The following HS3ST4 variants were observed in gnomAD, a reference collection of about 807,000 sequenced individuals.
The protein encoded by HS3ST4 is heparan sulfate-glucosamine 3-sulfotransferase 4.
HS3ST4 carries 17 observed loss-of-function variants against 29.2 expected under a neutral mutation model. The observed-to-expected ratio is 0.58, with a 90% confidence interval of 0.40 to 0.87. The LOEUF is 0.87. Among genes scored for constraint, HS3ST4 ranks in the 40% least tolerant of loss-of-function variants. The pLI, the probability that HS3ST4 is intolerant of heterozygous loss-of-function variation, is 0.00. For synonymous variants in HS3ST4, 314 were observed against 285.7 expected, an observed-to-expected ratio of 1.10 and a Z score of -1.00; for missense variants, 627 against 634.5, an observed-to-expected ratio of 0.99 and a Z score of 0.13.
At position 26,029,317 on chromosome 16, in the gene HS3ST4, T is replaced by C. The variant is rs145022547; in HGVS notation, c.735-106295T>C. ...CCACAGGGGCCCTGCACTTGGACGG[T>C]CCCATCCCATACTTGGTTTAATGGT... On this transcript the variant is annotated intron_variant, in intron 1 of 1. Transcript: ENST00000331351. Among the ~76,000 whole-genome samples the C allele has an allele frequency of 3.8e-3, 586 of 152,268 alleles. 2 individuals are homozygous for C. Among genetic ancestry groups the C allele is most frequent in the Non-Finnish European group, 6.3e-3 (431 of 68,024 alleles).
intron 1 of HS3ST4, among the ~76,000 whole-genome samples, chr16:25,897,697 CCTT>C (rs1475923365): frequency 1.3e-5 from 2 of 152,144 alleles, no homozygotes; most frequent in Admixed American, 6.5e-5. Context: ...TCTCTCTCCC[CCTT>C]CTTCTCTCCC....
intron 1 of HS3ST4, among the ~76,000 whole-genome samples, chr16:25,965,009 ATAAAT>A (rs1968829410): frequency 6.6e-6 from 1 of 152,338 alleles, no homozygotes; most frequent in Admixed American, 6.5e-5. Context: ...GTACATAAAA[ATAAAT>A]TAGGCATATT....
At chr16:25,862,595 C>G (rs1283840050) in intron 1 of HS3ST4, among the ~76,000 whole-genome samples, 4 of 152,236 alleles carry the variant, frequency 2.6e-5, no homozygotes, top group Non-Finnish European at 4.4e-5. Flanking sequence ...AGGTCCCTAA[C>G]AGTCTGCAAA....
chr16:25,946,003 A>T (rs982493466), intron 1 of HS3ST4, among the ~76,000 whole-genome samples: 2 of 152,186 alleles, frequency 1.3e-5, no homozygotes, highest in Non-Finnish European at 1.5e-5. Context: ...CCAGATCCCA[A>T]TTCCTAGTCA....
At chr16:26,040,296 CT>C (rs565233563) in intron 1 of HS3ST4, among the ~76,000 whole-genome samples, 5,264 of 135,660 alleles carry the variant, frequency 0.039, 234 homozygotes, top group African/African-American at 0.12. Flanking sequence ...ATCTTTCTTT[CT>C]TTTTTTTTTT....
rs1966257130 is a variant in HS3ST4, at chr16:25,692,354, A to G, written c.-64A>G. ...GGCGGCGGCGGGGGCGGCGGCTGAAACCATGTCCGGGCAGCGCCGGGGGCT... is the reference window on the plus strand; with the variant it reads ...GGCGGCGGCGGGGGCGGCGGCTGAAGCCATGTCCGGGCAGCGCCGGGGGCT... On this transcript the variant is annotated 5_prime_UTR_variant, in exon 1 of 2. Transcript: ENST00000331351. 1.1e-5 allele frequency: 2 copies of G among 189,578 alleles called. No individual in the cohort carries two copies. The highest frequency in any genetic ancestry group is 7.2e-5 in the Admixed American group (1 of 13,968). The allele number at this position is 189,578 out of a possible 1,614,324, so 11.7% of individuals were successfully genotyped here. A position where few individuals can be genotyped will look rare whatever the true frequency, so the allele number is the denominator to read the frequency against.
In HS3ST4 at chr16:25,712,172, A is replaced by T. The variant is rs142257491; in HGVS notation, c.734+19021A>T. On this transcript the variant is annotated intron_variant, in intron 1 of 1. Transcript: ENST00000331351. ...AGATACTATTCTTCCAGGAAAAAAAACCCCAAATTTTGAGCCTGACCACAC... is the reference window on the plus strand; with the variant it reads ...AGATACTATTCTTCCAGGAAAAAAATCCCCAAATTTTGAGCCTGACCACAC... Among the ~76,000 whole-genome samples the T allele has an allele frequency of 6.6e-5, 10 of 152,126 alleles. 1 individual carries two copies. Among genetic ancestry groups the T allele is most frequent in the African/African-American group, 2.4e-4 (10 of 41,410 alleles).
intron 1 of HS3ST4, among the ~76,000 whole-genome samples, chr16:26,001,473 T>C (rs927025495): frequency 6.6e-6 from 1 of 152,172 alleles, no homozygotes; most frequent in Non-Finnish European, 1.5e-5. Flanking sequence ...AAGTTTGAAA[T>C]TATTTATGAA....
intron 1 of HS3ST4, among the ~76,000 whole-genome samples, chr16:25,996,340 G>A (rs1009746641): frequency 3.9e-5 from 6 of 152,080 alleles, no homozygotes; most frequent in African/African-American, 1.2e-4. Context: ...GAGCTTTTGG[G>A]TATTTTGCAT....
chr16:25,982,903 C>A (rs1969022893), intron 1 of HS3ST4, among the ~76,000 whole-genome samples: 1 of 152,170 alleles, frequency 6.6e-6, no homozygotes, highest in South Asian at 2.1e-4. Context: ...TCCTAGTCCG[C>A]AGTCTGAAAC....
intron 1 of HS3ST4, among the ~76,000 whole-genome samples, chr16:25,771,113 A>T (rs1471388317): frequency 3.3e-5 from 5 of 151,942 alleles, no homozygotes; most frequent in Admixed American, 1.3e-4. Flanking sequence ...TGCATTAGCT[A>T]TTTGTCCTAA....
intron 1 of HS3ST4, among the ~76,000 whole-genome samples, chr16:25,828,609 G>A (rs988695504): frequency 6.6e-6 from 1 of 151,930 alleles, no homozygotes; most frequent in African/African-American, 2.4e-5. Flanking sequence ...CCAAAGTGCT[G>A]GGATTATCGG....
At chr16:26,068,175 TC>T (rs1231487210) in intron 1 of HS3ST4, among the ~76,000 whole-genome samples, 1 of 152,210 alleles carries the variant, frequency 6.6e-6, no homozygotes, top group African/African-American at 2.4e-5. Flanking sequence ...TGTATTTTCC[TC>T]CTCCTCTTAA....
At chr16:25,926,323 G>A (rs1279386201) in intron 1 of HS3ST4, among the ~76,000 whole-genome samples, 1 of 152,198 alleles carries the variant, frequency 6.6e-6, no homozygotes, top group African/African-American at 2.4e-5. Flanking sequence ...TGCCCTGTGA[G>A]CTTCTACTAT....
intron 1 of HS3ST4, among the ~76,000 whole-genome samples, chr16:25,904,036 G>A (rs912282678): frequency 2.6e-5 from 4 of 152,154 alleles, no homozygotes; most frequent in African/African-American, 9.7e-5. Flanking sequence ...TGCATGGGTA[G>A]ATTAGTGATG....
rs111988239 is a variant in HS3ST4, at chr16:25,904,163, A to AATGG, written c.734+211030_734+211033dup. ...GGATGGATGGATGGATGAATGGATGAATGGATGGATGGATGGATGGACGGA... is the reference window on the plus strand; with the variant it reads ...GGATGGATGGATGGATGAATGGATGAATGGATGGATGGATGGATGGATGGACGGA... On this transcript the variant is annotated intron_variant, in intron 1 of 1. Transcript: ENST00000331351. Among the ~76,000 whole-genome samples, 492 of 128,870 alleles carry AATGG rather than the reference A, an allele frequency of 3.8e-3. 1 individual carries two copies. Among genetic ancestry groups the AATGG allele is most frequent in the Non-Finnish European group, 5.0e-3 (309 of 62,290 alleles). The allele number at this position is 128,870 out of a possible 152,430, so 84.5% of individuals were successfully genotyped here.
At chr16:25,822,466 C>T (rs541981449) in intron 1 of HS3ST4, among the ~76,000 whole-genome samples, 11 of 152,308 alleles carry the variant, frequency 7.2e-5, no homozygotes, top group Middle Eastern at 3.4e-3. Flanking sequence ...CACCCAGCTA[C>T]TCCTAGACTT....
At chr16:25,770,212 T>C (rs1966840117) in intron 1 of HS3ST4, among the ~76,000 whole-genome samples, 1 of 152,156 alleles carries the variant, frequency 6.6e-6, no homozygotes, top group African/African-American at 2.4e-5. Flanking sequence ...CAACAAGAGA[T>C]GAATAAAAGT....
chr16:25,748,695 G>A (rs1257666440), intron 1 of HS3ST4, among the ~76,000 whole-genome samples: 1 of 152,200 alleles, frequency 6.6e-6, no homozygotes, highest in African/African-American at 2.4e-5. Flanking sequence ...TTCTGGAGAA[G>A]TGATTGCTGT....
Sources: gnomAD v4.1 joint callset for allele counts (sites outside exome capture counted in the v4.1 genomes callset) on GRCh38, gnomAD v4.1.1 for gene constraint, MANE v1.5 for transcripts, NCBI Gene and HGNC (gene_info 2026-07-23, HGNC 2026-07-21) for gene names.